NBPF12: variants seen among roughly 807,000 people sequenced by gnomAD.
The protein encoded by NBPF12 is NBPF family member NBPF12.
A neutral mutation model predicts 146.4 loss-of-function variants in NBPF12; 115 were observed. That is an observed-to-expected ratio of 0.79 (90% CI 0.68 to 0.92). The LOEUF (loss-of-function observed/expected upper bound fraction) is 0.92, where lower values mean the gene tolerates loss of function less well. Among genes scored for constraint, NBPF12 ranks in the 40% least tolerant of loss-of-function variants. NBPF12 has a pLI of 0.00. For synonymous variants in NBPF12, 385 were observed against 508.9 expected (o/e 0.76, Z 3.28); for missense variants, 1,205 against 1,326.8 (o/e 0.91, Z 1.43).
At chr1:146,961,971 T>G (rs1655879720) in intron 4 of NBPF12, among the ~76,000 whole-genome samples, 190 bp from the exon 8 acceptor site, 1 of 152,088 alleles carries the variant, frequency 6.6e-6, no homozygotes, top group Admixed American at 6.5e-5. Context: ...TTTCTTCGTC[T>G]TTAAATTTTG....
At position 146,972,979 on chromosome 1, in the gene NBPF12, C is replaced by T. The variant is rs1656752158; in HGVS notation, c.1801+19C>T. 7 of 917,676 alleles carry T rather than the reference C, an allele frequency of 7.6e-6. No individual in the cohort carries two copies. Among genetic ancestry groups the T allele is most frequent in the South Asian group, 2.6e-5 (2 of 77,232 alleles). The allele number at this position is 917,676 out of a possible 1,614,324, so 56.8% of individuals were successfully genotyped here. On this transcript the variant is annotated intron_variant, in intron 14 of 33. Transcript: ENST00000617844. ...AAATACAGTAAGATCTATATGCTCA[C>T]CATCATGAAAGTGATGAACGAAGTC... is the stretch of plus-strand genomic sequence containing the variant.
chr1:146,972,980 C>T lies in NBPF12; in HGVS notation c.1801+20C>T, dbSNP rs2101882469. The T allele has an allele frequency of 1.1e-6, 1 of 918,012 alleles. No individual in the cohort carries two copies. The highest frequency in any genetic ancestry group is 2.4e-5 in the East Asian group (1 of 41,874). The allele number at this position is 918,012 out of a possible 1,614,324, so 56.9% of individuals were successfully genotyped here. On this transcript the variant is annotated intron_variant, in intron 14 of 33. Transcript: ENST00000617844. ...AATACAGTAAGATCTATATGCTCACCATCATGAAAGTGATGAACGAAGTCC... is the reference window on the plus strand; with the variant it reads ...AATACAGTAAGATCTATATGCTCACTATCATGAAAGTGATGAACGAAGTCC...
chr1:146,967,437 G>C (rs1349516592), intron 9 of NBPF12, among the ~76,000 whole-genome samples: 1 of 150,162 alleles, frequency 6.7e-6, no homozygotes, highest in Non-Finnish European at 1.5e-5. Flanking sequence ...GGAGGCTGAG[G>C]TTGCAGTGAG....
rs1396163291 is a variant in NBPF12 at position 146,970,152 on chromosome 1, G to A, written c.1307-495G>A. On this transcript the variant is annotated intron_variant, in intron 11 of 33. Coordinates refer to ENST00000617844, the Ensembl canonical transcript of NBPF12. ...ATGTGGGGGCATTTGGTGGTAGGAA[G>A]TGCTTCAGACTGGAGCACTCCCCAT... is the stretch of plus-strand genomic sequence containing the variant. 1.2e-3 allele frequency among the ~76,000 whole-genome samples: 188 copies of A among 150,888 alleles called. 4 individuals carry two copies. The highest frequency in any genetic ancestry group is 1.6e-3 in the Non-Finnish European group (108 of 67,934).
At chr1:146,944,965 TTCCTCCCTCCCTCCCTG>T (rs1654966298), upstream of NBPF12, among the ~76,000 whole-genome samples, 5 of 75,282 alleles carry the variant, frequency 6.6e-5, no homozygotes, top group East Asian at 2.4e-3. Context: ...CCTCCCTCCC[TTCCTCCCTCCCTCCCTG>T]CCTTCCTTCC....
At chr1:146,962,235 G>A in exon 5 of NBPF12, 2 of 1,606,930 alleles carry the variant, frequency 1.2e-6, no homozygotes, top group Admixed American at 3.3e-5. Context: ...GAAGCTTGCA[G>A]AGCAGCTGAA....
intron 2 of NBPF12, among the ~76,000 whole-genome samples, chr1:146,943,844 T>G (rs1223629954): frequency 6.7e-6 from 1 of 149,944 alleles, no homozygotes; most frequent in African/African-American, 2.5e-5. Flanking sequence ...ATCCCTCTCC[T>G]CTCTCTTCCC....
chr1:146,972,134 A>T (rs1570864095), intron 13 of NBPF12, among the ~76,000 whole-genome samples: 1 of 145,732 alleles, frequency 6.9e-6, no homozygotes, highest in Non-Finnish European at 1.5e-5. Flanking sequence ...GCTGGCTCAC[A>T]TCTTAATCCC....
rs1378674412 is a variant in NBPF12, at chr1:146,969,968, G to A, written c.1306+372G>A. Among the ~76,000 whole-genome samples the A allele has an allele frequency of 4.6e-5, 7 of 150,746 alleles. No individual in the cohort carries two copies. The East Asian group carries it at 1.2e-3, about 25-fold the overall frequency. ...CAATGTTCTTAGTAAGTGTCGGTGA[G>A]TGAGTGATTTATCTTTCCAGAGTTT... On this transcript the variant is annotated intron_variant, in intron 11 of 33. Transcript: ENST00000617844.
At chr1:146,969,402 A>G in exon 11 of NBPF12, 1 of 1,243,482 alleles carries the variant, frequency 8.0e-7, no homozygotes, top group Non-Finnish European at 1.2e-6. Context: ...GTCCTGGTTC[A>G]CTCTCAGGAA....
intron 21 of NBPF12, among the ~76,000 whole-genome samples, chr1:146,984,600 T>A: frequency 1.4e-5 from 2 of 145,748 alleles, no homozygotes; most frequent in South Asian, 4.3e-4. Context: ...TGTGTGTGTG[T>A]GTGTGTGTGT....
chr1:146,966,323 G>A lies in NBPF12; in HGVS notation c.779-141G>A, dbSNP rs1186758535. On this transcript the variant is annotated intron_variant, in intron 8 of 33. Coordinates refer to ENST00000617844, the Ensembl canonical transcript of NBPF12. ...AGTTGACTTAAAGGAGATCAAGACT[G>A]GAGATGACAAGAGTGAAACCAGGGA... 58 of 807,932 alleles carry A rather than the reference G, an allele frequency of 7.2e-5. 2 individuals carry two copies. In the African/African-American group the frequency reaches 9.1e-4, roughly 13 times the overall value. 50.0% of individuals were successfully genotyped at this position (807,932 alleles called of 1,614,324 possible).
chr1:146,944,698 CTAATA>C (rs1384613937), upstream of NBPF12, among the ~76,000 whole-genome samples: 1,921 of 151,850 alleles, frequency 0.013, 52 homozygotes, highest in African/African-American at 0.045. Flanking sequence ...GCGTCTCTCT[CTAATA>C]ACTAGTTAGC....
At chr1:146,964,578 C>G (rs1553885282) in intron 7 of NBPF12, 149 bp downstream of exon 10, 1 of 1,303,206 alleles carries the variant, frequency 7.7e-7, no homozygotes. Context: ...ACACAGGGTG[C>G]GACAGCTGTC....
chr1:146,966,236 T>C lies in NBPF12; in HGVS notation c.779-228T>C, dbSNP rs1245226238. 4.6e-5 allele frequency among the ~76,000 whole-genome samples: 7 copies of C among 152,078 alleles called. 1 individual carries two copies. The highest frequency in any genetic ancestry group is 1.7e-4 in the African/African-American group (7 of 41,336). The stretch of plus-strand genomic sequence containing the variant: ...CCAAGCCTTGCTTTATAGAAACGTA[T>C]AAGCAAGAAAAGTGTAGAAGTGTTT... On this transcript the variant is annotated intron_variant, in intron 8 of 33. Transcript: ENST00000617844.
At chr1:146,972,482 G>A (rs1656714738) in intron 13 of NBPF12, among the ~76,000 whole-genome samples, 4 of 151,436 alleles carry the variant, frequency 2.6e-5, no homozygotes. Context: ...CCACTCATGG[G>A]GTAAAAATCT....
intron 1 of NBPF12, among the ~76,000 whole-genome samples, 122 bp downstream of exon 1, chr1:146,939,134 G>C (rs1570803259): frequency 6.6e-6 from 1 of 152,034 alleles, no homozygotes; most frequent in African/African-American, 2.4e-5. Context: ...GGGCTCCGCC[G>C]GGGCCTAAGT....
intron 14 of NBPF12, among the ~76,000 whole-genome samples, chr1:146,973,274 A>T (rs1656772720): frequency 6.6e-6 from 1 of 151,282 alleles, no homozygotes; most frequent in African/African-American, 2.5e-5. Context: ...TCTGTACCAT[A>T]TAAGATCCTG....
At chr1:146,970,601 A>T (rs1553886244) in intron 11 of NBPF12, 46 bp from the exon 15 acceptor site, 1 of 1,566,968 alleles carries the variant, frequency 6.4e-7, no homozygotes, top group African/African-American at 1.4e-5. Context: ...CTGTGCTTGC[A>T]GAATGTGAAG....
Sources: gnomAD v4.1 joint callset for allele counts (sites outside exome capture counted in the v4.1 genomes callset) on GRCh38, gnomAD v4.1.1 for gene constraint, MANE v1.5 for transcripts, NCBI Gene and HGNC (gene_info 2026-07-23, HGNC 2026-07-21) for gene names.